The following TG variants were observed in gnomAD, a reference collection of about 807,000 sequenced individuals.
TG encodes the protein thyroid hormones.
TG carries 270 observed loss-of-function variants against 324.7 expected under a neutral mutation model. That is an observed-to-expected ratio of 0.83 (90% confidence interval 0.75 to 0.92). TG has a LOEUF of 0.92. TG is among the 40% of genes least tolerant of loss of function. The pLI is 0.00. For synonymous variants in TG, 1,401 were observed against 1,327.0 expected, an observed-to-expected ratio of 1.06 and a Z score of -1.21; for missense variants, 3,591 against 3,456.4, an observed-to-expected ratio of 1.04 and a Z score of -0.98.
chr8:133,114,770 C>T (rs1165568501), intron 44 of TG, among the ~76,000 whole-genome samples: 3 of 152,188 alleles, frequency 2.0e-5, no homozygotes, highest in African/African-American at 4.8e-5. Context: ...TGTCAAGGCT[C>T]AGCATCCTTT....
chr8:133,108,289 G>A (rs1168792929), intron 43 of TG, among the ~76,000 whole-genome samples: 1 of 151,934 alleles, frequency 6.6e-6, no homozygotes, highest in Non-Finnish European at 1.5e-5. Flanking sequence ...CCCGGCCTGG[G>A]GACCACTCCT....
At chr8:133,116,501 G>A (rs540091837) in intron 44 of TG, 108 bp from the exon 45 acceptor site, 2 of 878,804 alleles carry the variant, frequency 2.3e-6, no homozygotes, top group African/African-American at 1.7e-5. Context: ...GCCTGGCAGG[G>A]GTGGGTTGGG....
intron 33 of TG, chr8:132,972,242 A>T (rs1829626504): frequency 2.2e-6 from 1 of 451,634 alleles, no homozygotes; most frequent in Admixed American, 3.5e-5. Flanking sequence ...TGGAAAAGTC[A>T]CTTAATCTCC....
At chr8:133,038,603 T>G in intron 41 of TG, 1 of 1,614,162 alleles carries the variant, frequency 6.2e-7, no homozygotes, top group South Asian at 1.1e-5. Context: ...GATGCTTTTC[T>G]TCTTTCGATC....
chr8:133,069,321 C>A (rs1273370398), intron 41 of TG, among the ~76,000 whole-genome samples: 1 of 152,218 alleles, frequency 6.6e-6, no homozygotes, highest in Non-Finnish European at 1.5e-5. Flanking sequence ...AGCATTTCAC[C>A]TGACACAGCA....
At chr8:133,125,404 T>G (rs914447550) in intron 45 of TG, among the ~76,000 whole-genome samples, 1 of 152,150 alleles carries the variant, frequency 6.6e-6, no homozygotes, top group Admixed American at 6.5e-5. Context: ...GTGATCCTCA[T>G]GTAGAAGTGG....
rs200211140 is a variant in TG, at chr8:133,017,775, C to T, written c.6563-3C>T. 328 of 1,613,970 alleles carry T rather than the reference C, an allele frequency of 2.0e-4. No individual in the cohort carries two copies. Among genetic ancestry groups the T allele is most frequent in the Non-Finnish European group, 2.7e-4 (315 of 1,179,970 alleles). On this transcript the variant is annotated splice_polypyrimidine_tract_variant and splice_region_variant and intron_variant, in intron 37 of 47. Coordinates refer to ENST00000220616, the MANE Select transcript of TG (RefSeq NM_003235.5). ...CACCCCTTTCTCTTCCCTTTCCCAACAGGAATCTCTCTGCTCAGCTATGAG... is the reference window on the plus strand; with the variant it reads ...CACCCCTTTCTCTTCCCTTTCCCAATAGGAATCTCTCTGCTCAGCTATGAG...
chr8:133,011,789 C>G, intron 35 of TG, 112 bp from the exon 36 acceptor site: 1 of 1,355,526 alleles, frequency 7.4e-7, no homozygotes, highest in Non-Finnish European at 1.1e-6. Flanking sequence ...GAATGGAGAC[C>G]AAGAGGAGGA....
intron 26 of TG, among the ~76,000 whole-genome samples, chr8:132,945,910 G>A (rs1825197617): frequency 6.6e-6 from 1 of 152,138 alleles, no homozygotes; most frequent in Admixed American, 6.5e-5. Flanking sequence ...AAATGAGAAT[G>A]TTTTGTTGGA....
At position 133,040,531 on chromosome 8, in the gene TG, C is replaced by T. The variant is rs144529752; in HGVS notation, c.7239+10508C>T. Among the ~76,000 whole-genome samples the T allele has an allele frequency of 1.5e-3, 235 of 152,306 alleles. 3 individuals are homozygous for T. Among genetic ancestry groups the T allele is most frequent in the Admixed American group, 0.013 (196 of 15,306 alleles). ...GAAGCCGCAGCCTTCCAGGGTTTCC[C>T]GCAAATGCCCAATCCATTAACCTCA... is the stretch of plus-strand genomic sequence containing the variant. On this transcript the variant is annotated intron_variant, in intron 41 of 47. Transcript: ENST00000220616.
chr8:132,971,168 A>G (rs1463981271), intron 32 of TG, among the ~76,000 whole-genome samples: 1 of 152,194 alleles, frequency 6.6e-6, no homozygotes, highest in Non-Finnish European at 1.5e-5. Context: ...GAATAGCCCT[A>G]GAAGCTGAGG....
At chr8:133,126,097 G>T (rs938587985) in intron 45 of TG, among the ~76,000 whole-genome samples, 2 of 152,144 alleles carry the variant, frequency 1.3e-5, no homozygotes, top group Non-Finnish European at 2.9e-5. Context: ...TAGGTGTGAT[G>T]CCTTAAATAT....
chr8:133,020,630 A>G (rs1835474673), intron 39 of TG, among the ~76,000 whole-genome samples: 1 of 152,166 alleles, frequency 6.6e-6, no homozygotes, highest in Admixed American at 6.5e-5. Flanking sequence ...CGAAGAATCC[A>G]CAGCCACCAA....
At chr8:133,042,678 C>CTTTTTTTTTTTTTTTTTTTTTTTT (rs58739514) in intron 41 of TG, among the ~76,000 whole-genome samples, 1 of 56,732 alleles carries the variant, frequency 1.8e-5, no homozygotes, top group Non-Finnish European at 3.2e-5. Flanking sequence ...CATTCTGTGT[C>CTTTTTTTTTTTTTTTTTTTTTTTT]TTTTTTTTTT....
chr8:132,969,524 C>A lies in TG; in HGVS notation c.5930C>A (p.Ser1977Tyr). Residue 1977 changes from serine (S) to tyrosine (Y), a missense_variant, in exon 32 of 48, where the codon TCC (serine) becomes TAC (tyrosine). Transcript: ENST00000220616. ...RLPFQKLMGI[S>Y]IRNKVPMSEK... ...CCGTTCCAAAAACTGATGGGGATAT[C>A]CATTAGAAATAAAGTGCCCATGTCT... The A allele has an allele frequency of 6.2e-7, 1 of 1,613,876 alleles. No individual in the cohort carries two copies. The highest frequency in any genetic ancestry group is 1.1e-5 in the South Asian group (1 of 91,070).
chr8:133,040,416 AC>A (rs1252380615), intron 41 of TG: 3 of 368,942 alleles, frequency 8.1e-6, no homozygotes, highest in Non-Finnish European at 1.5e-5. Flanking sequence ...TTTTAGCTTT[AC>A]CCCGATAGTA....
chr8:133,043,668 G>T (rs1206136327), intron 41 of TG, among the ~76,000 whole-genome samples: 1 of 152,130 alleles, frequency 6.6e-6, no homozygotes, highest in Non-Finnish European at 1.5e-5. Context: ...GCTTGGACCT[G>T]CCTCTCCTGA....
intron 45 of TG, among the ~76,000 whole-genome samples, chr8:133,124,153 G>A (rs1182917187): frequency 6.6e-6 from 1 of 152,214 alleles, no homozygotes. Context: ...AAATGCCTGG[G>A]GGCTGGGCCA....
intron 26 of TG, among the ~76,000 whole-genome samples, chr8:132,945,050 G>A (rs1024629617): frequency 1.3e-5 from 2 of 152,130 alleles, no homozygotes; most frequent in African/African-American, 4.8e-5. Context: ...ATGAATAGTT[G>A]TTTTTATTCT....
Sources: allele counts gnomAD v4.1 joint callset (sites outside exome capture counted in the v4.1 genomes callset), GRCh38; gene constraint gnomAD v4.1.1; transcripts MANE v1.5; gene names NCBI Gene and HGNC (gene_info 2026-07-23, HGNC 2026-07-21).